ADAM12: variants seen among roughly 807,000 people sequenced by gnomAD.
The protein encoded by ADAM12 is disintegrin and metalloproteinase domain-containing protein 12.
In ADAM12, 70 loss-of-function variants were observed where a neutral mutation model predicts 106.4. That is an observed-to-expected ratio of 0.66 (90% CI 0.54 to 0.80). The LOEUF (loss-of-function observed/expected upper bound fraction) is 0.80, where lower values mean the gene tolerates loss of function less well. Ranked by LOEUF, ADAM12 falls within the 30% of genes least tolerant of loss-of-function variation. The pLI is 0.00. For synonymous variants in ADAM12, 420 were observed against 433.5 expected (o/e 0.97, Z 0.39); for missense variants, 1,010 against 1,171.9 (o/e 0.86, Z 2.02).
intron 4 of ADAM12, among the ~76,000 whole-genome samples, chr10:126,142,721 G>A (rs1460064270): frequency 1.1e-4 from 17 of 152,188 alleles, no homozygotes; most frequent in African/African-American, 3.6e-4. Context: ...CCTGGGTACC[G>A]CAGAGCCTCA....
chr10:126,203,199 G>C, intron 3 of ADAM12, among the ~76,000 whole-genome samples: 1 of 152,184 alleles, frequency 6.6e-6, no homozygotes, highest in East Asian at 1.9e-4. Context: ...ACTAATCAGA[G>C]TGTACATTTT....
rs553908223 is a variant in ADAM12, at chr10:126,233,677, C to T, written c.260+45238G>A. Among the ~76,000 whole-genome samples, 546 of 152,234 alleles carry T rather than the reference C, an allele frequency of 3.6e-3. 4 individuals are homozygous for T. The highest frequency in any genetic ancestry group is 0.012 in the African/African-American group (499 of 41,536). Reference sequence around the variant, plus strand: ...TCAACCATCTCGTGGGAGCTTTCTGCACTCGTGGGAGTGCTCTGCAATTAC... The same window carrying T: ...TCAACCATCTCGTGGGAGCTTTCTGTACTCGTGGGAGTGCTCTGCAATTAC... On this transcript the variant is annotated intron_variant, in intron 3 of 22. Transcript: ENST00000448723.
chr10:126,209,554 G>C (rs143992412), intron 3 of ADAM12, among the ~76,000 whole-genome samples: 2 of 152,288 alleles, frequency 1.3e-5, no homozygotes, highest in East Asian at 3.9e-4. Flanking sequence ...TCACAGCTTT[G>C]CTGGCGACAA....
rs560046189 is a variant in ADAM12 at position 126,106,733 on chromosome 10, C to T, written c.741+1860G>A. Among the ~76,000 whole-genome samples the T allele has an allele frequency of 2.0e-5, 3 of 152,336 alleles. No homozygotes were observed. The South Asian group carries it at 6.2e-4, about 32-fold the overall frequency. ...TCTCTTGACCTCGTGATCCGCCCGC[C>T]TCGGCCTCCCAAAGTGCTGGGATTA... On this transcript the variant is annotated intron_variant, in intron 8 of 22. Coordinates refer to ENST00000448723, the MANE Select transcript of ADAM12 (RefSeq NM_001288973.2).
In ADAM12 at chr10:126,327,972, C is replaced by T. The variant is rs77117304; in HGVS notation, c.186+2440G>A. ...TCTAGACACACCTGCCTCCTCCCTGCTCCTCCAGCCTCTTACACTCTGGCT... is the reference window on the plus strand; with the variant it reads ...TCTAGACACACCTGCCTCCTCCCTGTTCCTCCAGCCTCTTACACTCTGGCT... On this transcript the variant is annotated intron_variant, in intron 2 of 22. Coordinates refer to ENST00000448723, the MANE Select transcript of ADAM12 (RefSeq NM_001288973.2). Among the ~76,000 whole-genome samples the T allele has an allele frequency of 8.3e-3, 1,263 of 152,300 alleles. 22 individuals are homozygous for T. Among genetic ancestry groups the T allele is most frequent in the African/African-American group, 0.029 (1,204 of 41,558 alleles).
At chr10:126,352,368 G>A (rs1184084942) in intron 1 of ADAM12, among the ~76,000 whole-genome samples, 1 of 152,158 alleles carries the variant, frequency 6.6e-6, no homozygotes, top group African/African-American at 2.4e-5. Flanking sequence ...GAATATTGAA[G>A]TACAACTTCC....
intron 3 of ADAM12, among the ~76,000 whole-genome samples, chr10:126,222,318 A>G (rs1251247740): frequency 6.6e-6 from 1 of 152,000 alleles, no homozygotes; most frequent in Non-Finnish European, 1.5e-5. Context: ...CTCACGTGAA[A>G]TTGAATTGGC....
intron 3 of ADAM12, among the ~76,000 whole-genome samples, chr10:126,262,137 C>G (rs774860366): frequency 1.2e-4 from 19 of 152,042 alleles, no homozygotes; most frequent in Admixed American, 2.0e-4. Flanking sequence ...TCATTGCATT[C>G]TAAGCATAAT....
chr10:126,072,008 T>C (rs1036767703), intron 11 of ADAM12, among the ~76,000 whole-genome samples: 1 of 152,232 alleles, frequency 6.6e-6, no homozygotes, highest in African/African-American at 2.4e-5. Context: ...TCGTAGGGAC[T>C]GTAGCTTGTA....
At chr10:126,270,987 A>C (rs1399418951) in intron 3 of ADAM12, among the ~76,000 whole-genome samples, 1 of 152,172 alleles carries the variant, frequency 6.6e-6, no homozygotes, top group Non-Finnish European at 1.5e-5. Flanking sequence ...CCTGATCTCC[A>C]GCTCATAGCT....
At chr10:126,127,197 G>A (rs112177233) in intron 5 of ADAM12, among the ~76,000 whole-genome samples, 3 of 152,268 alleles carry the variant, frequency 2.0e-5, no homozygotes, top group African/African-American at 7.2e-5. Context: ...AAGGGAGAAG[G>A]GAAGCAGTGT....
chr10:126,227,241 TACC>T (rs767587327), intron 3 of ADAM12, among the ~76,000 whole-genome samples: 8 of 152,016 alleles, frequency 5.3e-5, no homozygotes, highest in African/African-American at 1.7e-4. Flanking sequence ...TTACCATGAT[TACC>T]ACATCATCAC....
chr10:126,164,128 G>C (rs567187191), intron 3 of ADAM12, among the ~76,000 whole-genome samples: 1 of 152,196 alleles, frequency 6.6e-6, no homozygotes, highest in Non-Finnish European at 1.5e-5. Context: ...AAAAGTAAGA[G>C]ATTGGCATCA....
intron 3 of ADAM12, among the ~76,000 whole-genome samples, chr10:126,224,420 CT>C (rs1201925307): frequency 6.6e-6 from 1 of 152,190 alleles, no homozygotes; most frequent in Non-Finnish European, 1.5e-5. Flanking sequence ...CTGCTGGACT[CT>C]TTCCCCAGGG....
intron 3 of ADAM12, among the ~76,000 whole-genome samples, chr10:126,261,239 C>T (rs962612186): frequency 1.3e-5 from 2 of 152,142 alleles, no homozygotes; most frequent in African/African-American, 4.8e-5. Context: ...CACACACACA[C>T]TGGTATGTTT....
At chr10:126,026,201 C>T (rs1953869782) in intron 21 of ADAM12, among the ~76,000 whole-genome samples, 1 of 152,150 alleles carries the variant, frequency 6.6e-6, no homozygotes, top group South Asian at 2.1e-4. Flanking sequence ...ATCCTAGTTT[C>T]TGACAAAACA....
At chr10:126,069,309 A>G (rs1158051067) in intron 12 of ADAM12, among the ~76,000 whole-genome samples, 1 of 152,238 alleles carries the variant, frequency 6.6e-6, no homozygotes, top group Admixed American at 6.5e-5. Flanking sequence ...AAATCTAAAA[A>G]GTGAGGCAAA....
intron 4 of ADAM12, among the ~76,000 whole-genome samples, chr10:126,145,799 C>T (rs937275329): frequency 1.4e-4 from 22 of 152,256 alleles, no homozygotes; most frequent in African/African-American, 5.3e-4. Context: ...TTAGCTACCA[C>T]ATTGGACACT....
intron 11 of ADAM12, among the ~76,000 whole-genome samples, chr10:126,088,728 A>AAAAAAAG (rs1304181499): frequency 4.6e-5 from 7 of 151,184 alleles, no homozygotes; most frequent in Non-Finnish European, 8.9e-5. Flanking sequence ...CAAAAACAAA[A>AAAAAAAG]AGAGAGAGAG....
Sources: allele counts gnomAD v4.1 joint callset (sites outside exome capture counted in the v4.1 genomes callset), GRCh38; gene constraint gnomAD v4.1.1; transcripts MANE v1.5; gene names NCBI Gene and HGNC (gene_info 2026-07-23, HGNC 2026-07-21).